The following FANCD2OS variants were observed in gnomAD, a reference collection of about 807,000 sequenced individuals.
FANCD2OS encodes FANCD2 opposite strand, also known as FANCD2 opposite strand protein.
A neutral mutation model predicts 13.2 loss-of-function variants in FANCD2OS; 11 were observed. That is an observed-to-expected ratio of 0.83 (90% confidence interval 0.52 to 1.38). The LOEUF is 1.38. Among genes scored for constraint, FANCD2OS ranks in the 40% most tolerant of loss-of-function variants. The pLI is 0.00. For synonymous variants in FANCD2OS, 69 were observed against 84.5 expected, an observed-to-expected ratio of 0.82 and a Z score of 1.01; for missense variants, 217 against 213.9, an observed-to-expected ratio of 1.01 and a Z score of -0.09.
At chr3:10,091,197 C>G (rs13098715) in intron 2 of FANCD2OS, among the ~76,000 whole-genome samples, 1 of 147,518 alleles carries the variant, frequency 6.8e-6, no homozygotes. Flanking sequence ...CCTCCCACGT[C>G]AGCCTCCCAA....
intron 2 of FANCD2OS, chr3:10,088,595 ACTG>A: frequency 7.6e-7 from 1 of 1,312,008 alleles, no homozygotes; most frequent in Non-Finnish European, 1.1e-6. Flanking sequence ...CTATTTTGCT[ACTG>A]TTGTTTGTCA....
At chr3:10,107,910 C>T (rs757497649) in intron 1 of FANCD2OS, 105 bp downstream of exon 1, 3 of 152,284 alleles carry the variant, frequency 2.0e-5, no homozygotes, top group Non-Finnish European at 4.4e-5. Flanking sequence ...GCTCAAGCTG[C>T]TCAATAGCTC....
At chr3:10,088,067 A>G (rs1355603016) in intron 2 of FANCD2OS, among the ~76,000 whole-genome samples, 1 of 152,230 alleles carries the variant, frequency 6.6e-6, no homozygotes, top group Non-Finnish European at 1.5e-5. Flanking sequence ...CCTATTGATT[A>G]AAAGGGGAAG....
Position 10,105,764 on chromosome 3 carries a change from AAAAAAAATTATATATATATATATATATAT to A in FANCD2OS, c.-8-1011_-8-983del, listed in dbSNP as rs1472904142. ...AGACTCCATCTAAAAAAAAAAAAAA[AAAAAAAATTATATATATATATATATATAT>A]ATATATATATATATATATATATATA... On this transcript the variant is annotated intron_variant, in intron 1 of 1. Coordinates refer to ENST00000450660, the MANE Select transcript of FANCD2OS (RefSeq NM_001164839.2). Among the ~76,000 whole-genome samples, 113 of 67,066 alleles carry A rather than the reference AAAAAAAATTATATATATATATATATATAT, an allele frequency of 1.7e-3. 6 individuals are homozygous for A. Among genetic ancestry groups the A allele is most frequent in the African/African-American group, 0.011 (108 of 9,592 alleles). 44.0% of individuals were successfully genotyped at this position (67,066 alleles called of 152,430 possible). A position where few individuals can be genotyped will look rare whatever the true frequency, so the allele number is the denominator to read the frequency against.
chr3:10,086,473 A>G (rs551298703), intron 2 of FANCD2OS, among the ~76,000 whole-genome samples: 3 of 151,982 alleles, frequency 2.0e-5, no homozygotes, highest in Admixed American at 1.3e-4. Context: ...ATCCCTGTCT[A>G]TAGGTCAGGA....
intron 2 of FANCD2OS, among the ~76,000 whole-genome samples, chr3:10,084,771 C>T (rs145660865): frequency 9.2e-5 from 14 of 152,254 alleles, no homozygotes; most frequent in Admixed American, 6.5e-4. Context: ...AGATCTAGGA[C>T]GTCAGATTGT....
chr3:10,100,925 C>T (rs989102567), downstream of FANCD2OS, among the ~76,000 whole-genome samples: 5 of 152,000 alleles, frequency 3.3e-5, no homozygotes, highest in Non-Finnish European at 7.4e-5. Context: ...AAAAATTAGC[C>T]GGGCGTGGTG....
chr3:10,103,074 T>C (rs1399754109), downstream of FANCD2OS: 16 of 443,800 alleles, frequency 3.6e-5, no homozygotes, highest in Non-Finnish European at 5.8e-5. Context: ...TTGGGCAATG[T>C]GGTGAAACTC....
In FANCD2OS at chr3:10,088,513, C is replaced by A. The variant is rs753964157; in HGVS notation, c.*44-6982G>T. On this transcript the variant is annotated intron_variant, in intron 2 of 2. Coordinates refer to the FANCD2OS transcript ENST00000524279. ...GTGGGGATAAAGAGAAGAGCAACAT[C>A]TCTAATGACCAGCTCCATGCTCTGC... The A allele has an allele frequency of 6.2e-7, 1 of 1,609,552 alleles. No homozygotes were observed. The highest frequency in any genetic ancestry group is 8.5e-7 in the Non-Finnish European group (1 of 1,175,820).
downstream of FANCD2OS, chr3:10,099,072 C>T (rs886057694): frequency 1.4e-4 from 219 of 1,558,466 alleles, no homozygotes; most frequent in Admixed American, 7.1e-4. Context: ...TGCATTATAG[C>T]CTCTCATTTT....
chr3:10,105,581 C>T (rs1695445905), intron 1 of FANCD2OS, among the ~76,000 whole-genome samples: 1 of 151,010 alleles, frequency 6.6e-6, no homozygotes, highest in Admixed American at 6.6e-5. Context: ...GAAACCCTGT[C>T]TCTACTAAAA....
chr3:10,101,371 G>C (rs878997448), downstream of FANCD2OS: 3 of 466,402 alleles, frequency 6.4e-6, no homozygotes, highest in East Asian at 7.6e-5. Flanking sequence ...ATCCTTTTTT[G>C]TTCCTCTTTT....
At chr3:10,090,213 CT>C (rs1008087065) in intron 2 of FANCD2OS, 18 of 1,031,052 alleles carry the variant, frequency 1.7e-5, no homozygotes, top group African/African-American at 1.1e-4. Flanking sequence ...AAGGAAGCTA[CT>C]TTTGGTTCCT....
intron 2 of FANCD2OS, among the ~76,000 whole-genome samples, chr3:10,089,295 A>AAG (rs1694436860): frequency 1.3e-5 from 2 of 151,900 alleles, no homozygotes. Context: ...CAAAAAAAAA[A>AAG]AGAATCATAA....
At chr3:10,097,895 A>G (rs1167275050) in intron 2 of FANCD2OS, among the ~76,000 whole-genome samples, 2 of 152,178 alleles carry the variant, frequency 1.3e-5, no homozygotes, top group Non-Finnish European at 2.9e-5. Flanking sequence ...TTCACAATCC[A>G]CGTTCTTCTG....
downstream of FANCD2OS, chr3:10,101,574 C>T (rs745657721): frequency 7.8e-5 from 31 of 398,206 alleles, no homozygotes; most frequent in Admixed American, 4.0e-5. Flanking sequence ...TTAGTAGATA[C>T]GGGGTTTTAC....
At chr3:10,092,287 A>G (rs1186319896) in intron 2 of FANCD2OS, 1 of 1,499,274 alleles carries the variant, frequency 6.7e-7, no homozygotes, top group South Asian at 1.1e-5. Flanking sequence ...ATCTCACCAA[A>G]TAACTGCAGA....
At chr3:10,090,217 T>G (rs1694501790) in intron 2 of FANCD2OS, 2 of 1,057,298 alleles carry the variant, frequency 1.9e-6, no homozygotes, top group African/African-American at 1.6e-5. Context: ...AAGCTACTTT[T>G]GGTTCCTGGT....
chr3:10,085,886 A>C, intron 2 of FANCD2OS: 1 of 1,613,586 alleles, frequency 6.2e-7, no homozygotes. Flanking sequence ...CGACTGAAAC[A>C]GGGAGAACAC....
Sources: gnomAD v4.1 joint callset for allele counts (sites outside exome capture counted in the v4.1 genomes callset) on GRCh38, gnomAD v4.1.1 for gene constraint, MANE v1.5 for transcripts, NCBI Gene and HGNC (gene_info 2026-07-23, HGNC 2026-07-21) for gene names.